The following IL16 variants were observed in gnomAD, a reference collection of about 807,000 sequenced individuals.
The protein encoded by IL16 is interleukin 16, also known as pro-interleukin-16.
In IL16, 67 loss-of-function variants were observed where a neutral mutation model predicts 110.1. That is an observed-to-expected ratio of 0.61 (90% CI 0.50 to 0.75). The LOEUF (loss-of-function observed/expected upper bound fraction) is 0.75. IL16 is among the 30% of genes least tolerant of loss of function. The pLI is 0.00. For synonymous variants in IL16, 689 were observed against 662.9 expected (o/e 1.04, Z -0.61); for missense variants, 1,545 against 1,655.0 (o/e 0.93, Z 1.15).
At chr15:81,267,493 C>CACACACACACAT (rs1339585371) in intron 4 of IL16, among the ~76,000 whole-genome samples, 1 of 150,626 alleles carries the variant, frequency 6.6e-6, no homozygotes, top group Non-Finnish European at 1.5e-5. Context: ...CACACACACA[C>CACACACACACAT]ACACACACAC....
intron 1 of IL16, among the ~76,000 whole-genome samples, chr15:81,210,461 A>G (rs1377357792): frequency 6.6e-6 from 1 of 152,352 alleles, no homozygotes; most frequent in African/African-American, 2.4e-5. Context: ...CAGTATGGCC[A>G]TTTAAACAAT....
At chr15:81,268,803 T>C (rs1378994542) in intron 4 of IL16, among the ~76,000 whole-genome samples, 1 of 152,262 alleles carries the variant, frequency 6.6e-6, no homozygotes, top group East Asian at 1.9e-4. Flanking sequence ...CTCGCATAGA[T>C]TTATTCTTCA....
chr15:81,191,769 A>G (rs1171840641), intron 1 of IL16, among the ~76,000 whole-genome samples: 1 of 152,178 alleles, frequency 6.6e-6, no homozygotes, highest in African/African-American at 2.4e-5. Context: ...TGTAAGAGAA[A>G]ACAGCTAGGG....
chr15:81,278,068 A>G (rs1012954487), intron 6 of IL16, among the ~76,000 whole-genome samples: 1 of 139,796 alleles, frequency 7.2e-6, no homozygotes, highest in Non-Finnish European at 1.6e-5. Context: ...TTATTTATTT[A>G]TTTTTACCAT....
At chr15:81,238,525 C>A (rs1456856460) in intron 2 of IL16, among the ~76,000 whole-genome samples, 1 of 152,062 alleles carries the variant, frequency 6.6e-6, no homozygotes, top group Non-Finnish European at 1.5e-5. Flanking sequence ...GTGTAGAAGT[C>A]TTACTTATAT....
chr15:81,277,455 T>C (rs536966864), intron 6 of IL16, among the ~76,000 whole-genome samples: 1 of 152,192 alleles, frequency 6.6e-6, no homozygotes, highest in South Asian at 2.1e-4. Flanking sequence ...TTTCCTTTTT[T>C]TTTTTTTGAG....
At chr15:81,215,266 T>C (rs530009130) in intron 1 of IL16, among the ~76,000 whole-genome samples, 21 of 152,336 alleles carry the variant, frequency 1.4e-4, no homozygotes, top group Non-Finnish European at 2.8e-4. Flanking sequence ...TTAACTGTGG[T>C]GTAAGTTGAT....
chr15:81,273,602 T>C (rs1373949011), intron 6 of IL16, among the ~76,000 whole-genome samples: 1 of 152,156 alleles, frequency 6.6e-6, no homozygotes, highest in African/African-American at 2.4e-5. Flanking sequence ...TCATTCTCCC[T>C]GTCCTTCCTA....
chr15:81,193,292 G>A, upstream of IL16, among the ~76,000 whole-genome samples: 1 of 152,140 alleles, frequency 6.6e-6, no homozygotes, highest in East Asian at 1.9e-4. Context: ...ACTGTTGGCA[G>A]TGTTCCTTTT....
intron 12 of IL16, among the ~76,000 whole-genome samples, chr15:81,294,558 T>C (rs1378152158): frequency 6.6e-6 from 1 of 152,036 alleles, no homozygotes; most frequent in Non-Finnish European, 1.5e-5. Flanking sequence ...TTCCCACAGG[T>C]CATCTTTCAT....
chr15:81,204,395 T>C (rs57173059), intron 1 of IL16, among the ~76,000 whole-genome samples: 95 of 152,200 alleles, frequency 6.2e-4, no homozygotes, highest in South Asian at 2.3e-3. Context: ...TTCCCTGTCT[T>C]GTGCCCGTTT....
At chr15:81,242,642 A>G (rs529286778) in intron 2 of IL16, among the ~76,000 whole-genome samples, 1 of 152,304 alleles carries the variant, frequency 6.6e-6, no homozygotes, top group South Asian at 2.1e-4. Flanking sequence ...CTGTGTAGAC[A>G]ACAACATCAT....
At chr15:81,285,858 TCTCAGG>T in intron 10 of IL16, 28 bp downstream of exon 10, 1 of 1,612,440 alleles carries the variant, frequency 6.2e-7, no homozygotes, top group East Asian at 2.2e-5. Flanking sequence ...ATCCTCTTCT[TCTCAGG>T]CTCACTCGTT....
At chr15:81,227,742 G>A (rs1456258289) in intron 2 of IL16, among the ~76,000 whole-genome samples, 2 of 150,626 alleles carry the variant, frequency 1.3e-5, no homozygotes, top group South Asian at 4.2e-4. Context: ...AGTGTAGGGA[G>A]ACCAGTGAGG....
intron 11 of IL16, 45 bp from the exon 12 acceptor site, chr15:81,292,511 T>C (rs1899775553): frequency 6.2e-7 from 1 of 1,612,754 alleles, no homozygotes; most frequent in Non-Finnish European, 8.5e-7. Flanking sequence ...GTATTTCTGT[T>C]TTCTGAAGCT....
rs748733032 is a variant in IL16 at position 81,300,290 on chromosome 15, T to C, written c.2964T>C (p.Tyr988=). The C allele has an allele frequency of 1.7e-5, 27 of 1,614,062 alleles. No individual in the cohort carries two copies. Among genetic ancestry groups the C allele is most frequent in the Non-Finnish European group, 2.3e-5 (27 of 1,180,042 alleles). ...TTGACGAAAAGACCAGCAAACTCTA[T>C]TCTATCAGCAGCCAAGTGTCATCGG... The part of the protein sequence containing the change: ...KLLDEKTSKL[Y]SISSQVSSAV... The change falls in exon 14 of 19, where the codon TAT becomes TAC. Residue 988 remains tyrosine, a synonymous_variant. Coordinates refer to ENST00000683961, the MANE Select transcript of IL16 (RefSeq NM_172217.5).
chr15:81,233,248 G>A (rs926501710), intron 2 of IL16, among the ~76,000 whole-genome samples: 1 of 152,020 alleles, frequency 6.6e-6, no homozygotes, highest in African/African-American at 2.4e-5. Flanking sequence ...CCTTTTCCCA[G>A]TTTTCCCCAA....
In IL16 at chr15:81,291,721, A is replaced by T. The variant is rs1899725456; in HGVS notation, c.1421-835A>T. On this transcript the variant is annotated intron_variant, in intron 11 of 18. Coordinates refer to ENST00000683961, the MANE Select transcript of IL16 (RefSeq NM_172217.5). ...ACTAGGGTAGGGGGTACTGAGAACC[A>T]GGAAGGGCTAATGGGGAGGGAGGGA... Among the ~76,000 whole-genome samples the T allele has an allele frequency of 2.0e-5, 3 of 152,208 alleles. No homozygotes were observed. In the South Asian group the frequency reaches 6.2e-4, roughly 31 times the overall value.
chr15:81,293,898 C>T (rs545294453), intron 12 of IL16, among the ~76,000 whole-genome samples: 17 of 152,282 alleles, frequency 1.1e-4, no homozygotes, highest in Middle Eastern at 6.8e-3. Context: ...TGGTGAGAGT[C>T]CCAGTTGTGC....
Sources: gnomAD v4.1 joint callset for allele counts (sites outside exome capture counted in the v4.1 genomes callset) on GRCh38, gnomAD v4.1.1 for gene constraint, MANE v1.5 for transcripts, NCBI Gene and HGNC (gene_info 2026-07-23, HGNC 2026-07-21) for gene names.